Variants in ITGB2 observed in about 807,000 individuals in gnomAD.
The protein encoded by ITGB2 is integrin subunit beta 2.
ITGB2 carries 56 observed loss-of-function variants against 86.8 expected under a neutral mutation model. That is an observed-to-expected ratio of 0.65 (90% CI 0.52 to 0.81). The LOEUF (loss-of-function observed/expected upper bound fraction) is 0.81. Ranked by LOEUF, ITGB2 falls within the 30% of genes least tolerant of loss-of-function variation. The probability of loss-of-function intolerance (pLI) is 0.00; values close to 1 mark genes in which losing one functional copy is unlikely to be tolerated. For missense variants in ITGB2, 948 were observed against 1,061.2 expected (o/e 0.89, Z 1.48); for synonymous variants, 457 against 450.4 (o/e 1.01, Z -0.19).
chr21:44,906,838 G>T, intron 4 of ITGB2, 77 bp downstream of exon 4: 1 of 1,511,014 alleles, frequency 6.6e-7, no homozygotes. Flanking sequence ...TGACACCCCA[G>T]AGCAGGGCCG....
chr21:44,917,195 G>A (rs184193573), intron 1 of ITGB2, among the ~76,000 whole-genome samples: 80 of 152,336 alleles, frequency 5.3e-4, no homozygotes, highest in Non-Finnish European at 9.7e-4. Context: ...AGCCGTCAAC[G>A]TGTAAGATGC....
intron 1 of ITGB2, among the ~76,000 whole-genome samples, chr21:44,911,807 C>A (rs1304699110): frequency 1.3e-5 from 2 of 152,170 alleles, no homozygotes; most frequent in African/African-American, 4.8e-5. Flanking sequence ...GCCGGCAGCA[C>A]CTCCTAGCGG....
Position 44,894,363 on chromosome 21 carries a change from G to C in ITGB2, c.1083+608C>G, listed in dbSNP as rs1352076284. On this transcript the variant is annotated intron_variant, in intron 9 of 15. Coordinates refer to ENST00000652462, the MANE Select transcript of ITGB2 (RefSeq NM_000211.5). The stretch of plus-strand genomic sequence containing the variant: ...AGAATTCTGAGAACATCTCTCACCT[G>C]GGGGTAGATTTCCAGAGCAGTCGGG... 4 of 168,552 alleles carry C rather than the reference G, an allele frequency of 2.4e-5. No individual in the cohort carries two copies. In the South Asian group the frequency reaches 5.4e-4, roughly 23 times the overall value. The allele number at this position is 168,552 out of a possible 1,614,324, so 10.4% of individuals were successfully genotyped here.
At chr21:44,914,542 C>T (rs767425831) in intron 1 of ITGB2, among the ~76,000 whole-genome samples, 9 of 152,182 alleles carry the variant, frequency 5.9e-5, no homozygotes, top group African/African-American at 9.7e-5. Flanking sequence ...GACACGAAAG[C>T]GGCGTCAGAA....
At chr21:44,912,532 C>T (rs1276441845) in intron 1 of ITGB2, among the ~76,000 whole-genome samples, 3 of 152,210 alleles carry the variant, frequency 2.0e-5, no homozygotes, top group Non-Finnish European at 4.4e-5. Flanking sequence ...TGATCCTTCC[C>T]GTCCTGGGGT....
At chr21:44,896,998 T>C (rs1460598023) in intron 8 of ITGB2, among the ~76,000 whole-genome samples, 1 of 152,192 alleles carries the variant, frequency 6.6e-6, no homozygotes, top group Non-Finnish European at 1.5e-5. Flanking sequence ...TGTGACATCC[T>C]GACCAGCAGG....
At chr21:44,916,120 A>G (rs895092407) in intron 1 of ITGB2, among the ~76,000 whole-genome samples, 49 of 152,146 alleles carry the variant, frequency 3.2e-4, no homozygotes, top group Admixed American at 2.8e-3. Context: ...ATGGAGTTTC[A>G]CCATATTGGC....
At chr21:44,896,710 T>C (rs2083876066) in intron 8 of ITGB2, among the ~76,000 whole-genome samples, 1 of 152,028 alleles carries the variant, frequency 6.6e-6, no homozygotes, top group African/African-American at 2.4e-5. Flanking sequence ...GTGCGCTTGG[T>C]GCAGAAACAC....
intron 3 of ITGB2, chr21:44,908,139 C>G (rs750973234): frequency 1.4e-6 from 1 of 739,050 alleles, no homozygotes; most frequent in Non-Finnish European, 2.5e-6. Context: ...CCTCCGGGGA[C>G]TGCTCGCCGC....
intron 8 of ITGB2, 57 bp downstream of exon 8, chr21:44,899,010 G>C: frequency 7.2e-7 from 1 of 1,382,648 alleles, no homozygotes; most frequent in Non-Finnish European, 1.0e-6. Context: ...GCTGGGTCTG[G>C]CCTGTGGCTG....
At chr21:44,907,573 G>A (rs2084062371) in intron 3 of ITGB2, among the ~76,000 whole-genome samples, 1 of 152,256 alleles carries the variant, frequency 6.6e-6, no homozygotes, top group Non-Finnish European at 1.5e-5. Context: ...AAGCTGGAGG[G>A]GAGCCTGGGA....
intron 3 of ITGB2, 62 bp from the exon 4 acceptor site, chr21:44,907,157 T>C: frequency 7.5e-7 from 1 of 1,339,962 alleles, no homozygotes; most frequent in Non-Finnish European, 1.0e-6. Flanking sequence ...GGAGGCTGAC[T>C]GGCCATGGAG....
chr21:44,917,570 C>A (rs1231208289), intron 1 of ITGB2, among the ~76,000 whole-genome samples: 2 of 152,224 alleles, frequency 1.3e-5, no homozygotes, highest in Non-Finnish European at 2.9e-5. Context: ...GACCTCCCTG[C>A]TGGCATGGGC....
chr21:44,916,050 G>A (rs911644881), intron 1 of ITGB2, among the ~76,000 whole-genome samples: 8 of 152,292 alleles, frequency 5.3e-5, no homozygotes, highest in African/African-American at 1.9e-4. Context: ...AGCCTCCTGA[G>A]TAGCTGGGAC....
At chr21:44,922,642 C>T (rs1171825937), upstream of ITGB2, among the ~76,000 whole-genome samples, 1 of 138,584 alleles carries the variant, frequency 7.2e-6, no homozygotes, top group African/African-American at 2.8e-5. Context: ...CACTGCACTC[C>T]AGTCTGGGTA....
rs534143004 is a variant in ITGB2 at position 44,893,311 on chromosome 21, C to A, written c.1224+93G>T. The A allele has an allele frequency of 7.8e-5, 117 of 1,506,158 alleles. No individual in the cohort carries two copies. The South Asian group carries it at 1.3e-3, about 17-fold the overall frequency. 93.3% of individuals were successfully genotyped at this position (1,506,158 alleles called of 1,614,324 possible). On this transcript the variant is annotated intron_variant, in intron 10 of 15. Transcript: ENST00000652462. ...GCTCCTTCTGGCTGTCCCCAGGACC[C>A]CTCAGTGTGCTGGGATGGGGACCCT...
chr21:44,899,489 T>A (rs887452292), intron 7 of ITGB2, among the ~76,000 whole-genome samples: 1 of 152,156 alleles, frequency 6.6e-6, no homozygotes, highest in East Asian at 1.9e-4. Flanking sequence ...GACACTCAGT[T>A]TCGGTAGAGG....
chr21:44,890,372 G>C (rs560177522), intron 11 of ITGB2, 150 bp from the exon 12 acceptor site: 15 of 978,226 alleles, frequency 1.5e-5, no homozygotes, highest in Non-Finnish European at 2.1e-5. Flanking sequence ...ACTTGCCACG[G>C]ACTAAATGTG....
chr21:44,908,290 T>G (rs1215310951), intron 3 of ITGB2: 24 of 538,788 alleles, frequency 4.5e-5, no homozygotes, highest in Non-Finnish European at 7.5e-5. Flanking sequence ...CTTCTCTAGT[T>G]TATAAGACAG....
Sources: gnomAD v4.1 joint callset for allele counts (sites outside exome capture counted in the v4.1 genomes callset) on GRCh38, gnomAD v4.1.1 for gene constraint, MANE v1.5 for transcripts, NCBI Gene and HGNC (gene_info 2026-07-23, HGNC 2026-07-21) for gene names.